CDK14: variants seen among roughly 807,000 people sequenced by gnomAD.
The protein encoded by CDK14 is cyclin-dependent kinase 14.
In CDK14, 34 loss-of-function variants were observed where a neutral mutation model predicts 60.7. That is an observed-to-expected ratio of 0.56 (90% CI 0.43 to 0.75). The LOEUF (loss-of-function observed/expected upper bound fraction) is 0.75, where lower values mean the gene tolerates loss of function less well. Ranked by LOEUF, CDK14 falls within the 30% of genes least tolerant of loss-of-function variation. The probability of loss-of-function intolerance (pLI) is 0.00; values close to 1 mark genes in which losing one functional copy is unlikely to be tolerated. For synonymous variants in CDK14, 197 were observed against 203.7 expected (o/e 0.97, Z 0.28); for missense variants, 482 against 564.1 (o/e 0.85, Z 1.47).
At chr7:90,709,053 T>C (rs903302711) in intron 2 of CDK14, among the ~76,000 whole-genome samples, 6 of 152,098 alleles carry the variant, frequency 3.9e-5, no homozygotes, top group Non-Finnish European at 8.8e-5. Context: ...TGGTATTTTA[T>C]TTTTCAGAAT....
At chr7:90,828,270 A>C (rs1789792396) in intron 5 of CDK14, among the ~76,000 whole-genome samples, 1 of 152,172 alleles carries the variant, frequency 6.6e-6, no homozygotes, top group Non-Finnish European at 1.5e-5. Flanking sequence ...GTGATCTGAG[A>C]CCTGTTGGAG....
chr7:90,850,104 C>T (rs995337351), intron 5 of CDK14, among the ~76,000 whole-genome samples: 2 of 151,954 alleles, frequency 1.3e-5, no homozygotes, highest in Non-Finnish European at 2.9e-5. Flanking sequence ...TTCTTTGCTT[C>T]TTTTTAAAAT....
intron 10 of CDK14, among the ~76,000 whole-genome samples, chr7:91,039,695 G>T (rs1008989780): frequency 1.3e-5 from 2 of 151,944 alleles, no homozygotes; most frequent in Non-Finnish European, 2.9e-5. Flanking sequence ...TCTGTCCTTG[G>T]CCACTCTTAT....
chr7:90,816,476 A>G (rs1331638307), intron 5 of CDK14, among the ~76,000 whole-genome samples: 1 of 152,134 alleles, frequency 6.6e-6, no homozygotes, highest in African/African-American at 2.4e-5. Context: ...GTTTGTTACT[A>G]TTCCTTTTGT....
intron 5 of CDK14, among the ~76,000 whole-genome samples, chr7:90,791,068 A>G (rs1466538085): frequency 6.6e-6 from 1 of 152,110 alleles, no homozygotes; most frequent in Non-Finnish European, 1.5e-5. Context: ...CTTTGTTTCT[A>G]TCCTTTACTG....
At chr7:90,599,962 A>T (rs979703566) in intron 1 of CDK14, among the ~76,000 whole-genome samples, 9 of 152,256 alleles carry the variant, frequency 5.9e-5, no homozygotes, top group African/African-American at 1.9e-4. Flanking sequence ...ATTTGTTTAC[A>T]CATTAGAGAT....
rs530001315 is a variant in CDK14 at position 90,837,173 on chromosome 7, C to T, written c.545-26002C>T. On this transcript the variant is annotated intron_variant, in intron 5 of 14. Transcript: ENST00000380050. ...CCGTATGGCAATGATTATTCCTGGG[C>T]ATTGTGATCACATGCAAAGGTTGTA... is the stretch of plus-strand genomic sequence containing the variant. 3.4e-4 allele frequency among the ~76,000 whole-genome samples: 51 copies of T among 152,188 alleles called. No homozygotes were observed. The South Asian group carries it at 0.01, about 31-fold the overall frequency.
intron 10 of CDK14, among the ~76,000 whole-genome samples, chr7:91,015,521 G>GTTTTTTTTTTTTTTTTTTTTTT (rs10710645): frequency 2.6e-5 from 2 of 77,680 alleles, no homozygotes; most frequent in African/African-American, 5.2e-5. Context: ...TATGTCTTGG[G>GTTTTTTTTTTTTTTTTTTTTTT]TTTTTTTTTT....
At chr7:90,855,849 G>A in intron 5 of CDK14, among the ~76,000 whole-genome samples, 1 of 152,180 alleles carries the variant, frequency 6.6e-6, no homozygotes, top group South Asian at 2.1e-4. Flanking sequence ...CCACAATGTG[G>A]AAGTAGCCTG....
At chr7:90,771,306 A>G (rs190650984) in intron 4 of CDK14, among the ~76,000 whole-genome samples, 32 of 152,278 alleles carry the variant, frequency 2.1e-4, no homozygotes, top group Admixed American at 2.1e-3. Flanking sequence ...TTCCTCATAT[A>G]TATGAACTTA....
rs991080560 is a variant in CDK14, at chr7:91,032,118, C to T, written c.1042-13779C>T. Among the ~76,000 whole-genome samples the T allele has an allele frequency of 4.6e-5, 7 of 152,142 alleles. No individual in the cohort carries two copies. In the South Asian group the frequency reaches 1.2e-3, roughly 27 times the overall value. On this transcript the variant is annotated intron_variant, in intron 10 of 14. Transcript: ENST00000380050. ...GGTTCTGTTCTTCTCTTCCAGGGCACCTAGGCAGGGTCCCCTCTTAGCTTT... is the reference window on the plus strand; with the variant it reads ...GGTTCTGTTCTTCTCTTCCAGGGCATCTAGGCAGGGTCCCCTCTTAGCTTT...
chr7:91,136,465 A>G (rs1800281005), intron 14 of CDK14, among the ~76,000 whole-genome samples: 1 of 152,176 alleles, frequency 6.6e-6, no homozygotes, highest in African/African-American at 2.4e-5. Context: ...AAAAACAGCA[A>G]TGTACTTGTT....
chr7:90,932,783 C>G (rs935892840), intron 8 of CDK14, among the ~76,000 whole-genome samples: 1 of 152,194 alleles, frequency 6.6e-6, no homozygotes, highest in Non-Finnish European at 1.5e-5. Flanking sequence ...TCAGCTAGGC[C>G]TTCTCTTGTT....
Position 90,635,509 on chromosome 7 carries a change from C to T in CDK14, c.123+31260C>T, listed in dbSNP as rs1198092398. Among the ~76,000 whole-genome samples, 6 of 152,238 alleles carry T rather than the reference C, an allele frequency of 3.9e-5. No individual in the cohort carries two copies. In the East Asian group the frequency reaches 9.6e-4, roughly 24 times the overall value. On this transcript the variant is annotated intron_variant, in intron 2 of 14. Coordinates refer to ENST00000380050, the MANE Select transcript of CDK14 (RefSeq NM_001287135.2). ...TTGATCTATATCTCTGTTTTGGTACCAGTACCATGCTGTTTTGGTTACTGT... is the reference window on the plus strand; with the variant it reads ...TTGATCTATATCTCTGTTTTGGTACTAGTACCATGCTGTTTTGGTTACTGT...
intron 5 of CDK14, among the ~76,000 whole-genome samples, chr7:90,811,837 T>A (rs1044722424): frequency 1.1e-4 from 16 of 152,280 alleles, no homozygotes; most frequent in Admixed American, 3.9e-4. Context: ...AAAAGAAGAC[T>A]TTTGTACAAC....
chr7:90,895,393 CT>C (rs1562817630), intron 6 of CDK14, among the ~76,000 whole-genome samples: 9 of 10,414 alleles, frequency 8.6e-4, no homozygotes, highest in Non-Finnish European at 1.5e-3. Context: ...CTCCTCTCCT[CT>C]CCTCTCCTCT....
chr7:90,665,604 A>G (rs1800962764), intron 2 of CDK14, among the ~76,000 whole-genome samples: 1 of 152,220 alleles, frequency 6.6e-6, no homozygotes, highest in Non-Finnish European at 1.5e-5. Flanking sequence ...AATGAGGGGA[A>G]GTTCTTTCAG....
chr7:90,673,949 A>G (rs138044851), intron 2 of CDK14, among the ~76,000 whole-genome samples: 122 of 152,318 alleles, frequency 8.0e-4, no homozygotes, highest in African/African-American at 2.7e-3. Context: ...ATCACTCCAT[A>G]TGTACACACC....
intron 5 of CDK14, among the ~76,000 whole-genome samples, chr7:90,839,053 A>T (rs917200062): frequency 7.9e-5 from 12 of 152,166 alleles, no homozygotes; most frequent in African/African-American, 2.9e-4. Flanking sequence ...GCCCCGATGT[A>T]AAATTTCTCT....
Sources: allele counts gnomAD v4.1 joint callset (sites outside exome capture counted in the v4.1 genomes callset), GRCh38; gene constraint gnomAD v4.1.1; transcripts MANE v1.5; gene names NCBI Gene and HGNC (gene_info 2026-07-23, HGNC 2026-07-21).